The following DPP10 variants were observed in gnomAD, a reference collection of about 807,000 sequenced individuals.
DPP10 encodes inactive dipeptidyl peptidase 10.
A neutral mutation model predicts 120.9 loss-of-function variants in DPP10; 33 were observed. The ratio of observed to expected loss-of-function variants is 0.27; its 90% CI spans 0.21 to 0.37. The LOEUF (loss-of-function observed/expected upper bound fraction) is 0.37. DPP10 is among the 10% of genes least tolerant of loss of function. The pLI is 1.00. For synonymous variants in DPP10, 337 were observed against 326.1 expected, an observed-to-expected ratio of 1.03 and a Z score of -0.36; for missense variants, 816 against 942.8, an observed-to-expected ratio of 0.87 and a Z score of 1.76.
chr2:114,594,486 A>G (rs530817520), intron 1 of DPP10, among the ~76,000 whole-genome samples: 1 of 147,862 alleles, frequency 6.8e-6, no homozygotes, highest in South Asian at 2.1e-4. Flanking sequence ...ATTATATATT[A>G]TATATACATA....
chr2:115,777,685 T>C (rs1279299905), intron 14 of DPP10, 102 bp from the exon 15 acceptor site: 2 of 1,224,828 alleles, frequency 1.6e-6, no homozygotes, highest in Non-Finnish European at 2.3e-6. Context: ...CAGGTGAAGA[T>C]TCAATGTGAA....
chr2:114,973,647 G>T lies in DPP10; in HGVS notation c.61-335592G>T, dbSNP rs544061620. Reference sequence around the variant, plus strand: ...ACTGCACTCCAGCCTGGGCAACGGAGTGAGACTCCGTCTCAAAAAAAAAAA... The same window carrying T: ...ACTGCACTCCAGCCTGGGCAACGGATTGAGACTCCGTCTCAAAAAAAAAAA... On this transcript the variant is annotated intron_variant, in intron 1 of 25. Transcript: ENST00000410059. Among the ~76,000 whole-genome samples the T allele has an allele frequency of 4.4e-3, 434 of 98,116 alleles. 1 individual carries two copies. The highest frequency in any genetic ancestry group is 0.018 in the African/African-American group (426 of 24,128). 64.4% of individuals were successfully genotyped at this position (98,116 alleles called of 152,430 possible).
intron 8 of DPP10, among the ~76,000 whole-genome samples, chr2:115,735,683 AAT>A (rs1491334028): frequency 1.0e-5 from 1 of 96,622 alleles, no homozygotes; most frequent in Non-Finnish European, 2.0e-5. Context: ...ACGCCCAGCT[AAT>A]TTTTTTTTTT....
chr2:115,536,791 T>C (rs992405984), intron 5 of DPP10, among the ~76,000 whole-genome samples: 1 of 152,024 alleles, frequency 6.6e-6, no homozygotes, highest in Non-Finnish European at 1.5e-5. Flanking sequence ...TGATTCATAT[T>C]CACTCTCTAA....
chr2:115,774,374 T>G (rs1681843616), intron 13 of DPP10, among the ~76,000 whole-genome samples: 7 of 152,098 alleles, frequency 4.6e-5, no homozygotes, highest in Admixed American at 4.6e-4. Context: ...ATCTTGAAAT[T>G]GGCATCAAAG....
chr2:115,617,346 A>T (rs2084597709), intron 5 of DPP10, among the ~76,000 whole-genome samples: 1 of 148,472 alleles, frequency 6.7e-6, no homozygotes, highest in Non-Finnish European at 1.5e-5. Context: ...ATGCTATGAA[A>T]ACATGTATAC....
At chr2:114,573,677 T>A (rs1004176419) in intron 1 of DPP10, among the ~76,000 whole-genome samples, 2 of 152,328 alleles carry the variant, frequency 1.3e-5, no homozygotes, top group Admixed American at 1.3e-4. Context: ...TTTTAAGGGC[T>A]GCTAGGAAAG....
intron 1 of DPP10, among the ~76,000 whole-genome samples, chr2:114,737,120 A>G (rs933975977): frequency 4.6e-5 from 7 of 152,194 alleles, no homozygotes; most frequent in Non-Finnish European, 1.0e-4. Flanking sequence ...AACAAAAGAA[A>G]TTCTTAACGT....
At chr2:115,385,386 G>A (rs1414623070) in intron 3 of DPP10, among the ~76,000 whole-genome samples, 4 of 145,604 alleles carry the variant, frequency 2.7e-5, no homozygotes, top group Non-Finnish European at 4.5e-5. Flanking sequence ...ACAGAGTTTC[G>A]CTCTTGTCGC....
chr2:114,966,642 G>A (rs2104759016), intron 1 of DPP10, among the ~76,000 whole-genome samples: 1 of 152,284 alleles, frequency 6.6e-6, no homozygotes, highest in South Asian at 2.1e-4. Context: ...CAACACACAT[G>A]GACTAAGACA....
intron 21 of DPP10, among the ~76,000 whole-genome samples, chr2:115,817,195 C>T (rs1687339381): frequency 6.6e-6 from 1 of 151,674 alleles, no homozygotes; most frequent in African/African-American, 2.4e-5. Context: ...TGAAGTGAGC[C>T]GAGATCGAGC....
chr2:115,712,566 A>ATATATATATATATATATATATAT (rs70941090), intron 7 of DPP10, among the ~76,000 whole-genome samples: 366 of 121,442 alleles, frequency 3.0e-3, no homozygotes, highest in Non-Finnish European at 4.4e-3. Context: ...ATATATATAT[A>ATATATATATATATATATATATAT]AAGAAACTGT....
At chr2:115,531,297 G>A (rs2078450773) in intron 5 of DPP10, among the ~76,000 whole-genome samples, 2 of 152,042 alleles carry the variant, frequency 1.3e-5, no homozygotes, top group Admixed American at 1.3e-4. Flanking sequence ...TCTGTGGTTT[G>A]ACAAGCGTAA....
chr2:115,004,074 T>C (rs1701639624), intron 1 of DPP10, among the ~76,000 whole-genome samples: 1 of 152,206 alleles, frequency 6.6e-6, no homozygotes, highest in Non-Finnish European at 1.5e-5. Flanking sequence ...ATCGAAGGTA[T>C]AAAACTTAGC....
intron 1 of DPP10, among the ~76,000 whole-genome samples, chr2:114,570,116 C>G (rs377620953): frequency 2.6e-5 from 4 of 152,162 alleles, no homozygotes; most frequent in African/African-American, 9.7e-5. Flanking sequence ...CTCAGCAGCA[C>G]CCCCTTTCCC....
At chr2:114,933,179 T>G (rs1435669171) in intron 1 of DPP10, among the ~76,000 whole-genome samples, 4 of 152,198 alleles carry the variant, frequency 2.6e-5, no homozygotes, top group Non-Finnish European at 5.9e-5. Flanking sequence ...GAGCTTATAT[T>G]CAAAGAAGAA....
chr2:115,603,661 G>A (rs1250141468), intron 5 of DPP10, among the ~76,000 whole-genome samples: 3 of 144,128 alleles, frequency 2.1e-5, no homozygotes, highest in Non-Finnish European at 3.0e-5. Context: ...CATGTACAAC[G>A]CTGACATATT....
At chr2:114,890,036 A>G (rs7566424) in intron 1 of DPP10, among the ~76,000 whole-genome samples, 5,862 of 152,250 alleles carry the variant, frequency 0.039, 198 homozygotes, top group African/African-American at 0.086. Context: ...TTAGGTATGG[A>G]TATGCAGATG....
At chr2:114,767,103 G>GAAAAAAAAA (rs35500978) in intron 1 of DPP10, among the ~76,000 whole-genome samples, 1 of 48,058 alleles carries the variant, frequency 2.1e-5, no homozygotes, top group African/African-American at 6.4e-5. Context: ...ATCAAAACTA[G>GAAAAAAAAA]AAAAAAAAAA....
Sources: gnomAD v4.1 joint callset for allele counts (sites outside exome capture counted in the v4.1 genomes callset) on GRCh38, gnomAD v4.1.1 for gene constraint, MANE v1.5 for transcripts, NCBI Gene and HGNC (gene_info 2026-07-23, HGNC 2026-07-21) for gene names.